Variants in BBS9 observed in about 807,000 individuals in gnomAD.
BBS9 encodes protein PTHB1.
BBS9 carries 89 observed loss-of-function variants against 117.7 expected under a neutral mutation model. That is an observed-to-expected ratio of 0.76 (90% confidence interval 0.64 to 0.90). BBS9 has a LOEUF of 0.90. Ranked by LOEUF, BBS9 falls within the 40% of genes least tolerant of loss-of-function variation. The pLI, the probability that BBS9 is intolerant of heterozygous loss-of-function variation, is 0.00. For synonymous variants in BBS9, 379 were observed against 370.9 expected (o/e 1.02, Z -0.25); for missense variants, 982 against 1,042.2 (o/e 0.94, Z 0.80).
rs1221104625 is a variant in BBS9, at chr7:33,434,427, A to G, written c.2115+46283A>G. Among the ~76,000 whole-genome samples, 3 of 152,128 alleles carry G rather than the reference A, an allele frequency of 2.0e-5. No homozygotes were observed. The East Asian group carries it at 5.8e-4, about 29-fold the overall frequency. On this transcript the variant is annotated intron_variant, in intron 19 of 22. Transcript: ENST00000242067. ...CTAAACAACCAAAGCAACTCAATAG[A>G]TAGCCTTCTAGTGCTAAAAGCCACC...
intron 12 of BBS9, chr7:33,346,257 A>G (rs568937421): frequency 4.7e-5 from 22 of 470,528 alleles, no homozygotes; most frequent in Middle Eastern, 3.3e-4. Context: ...GCAAGTTTCC[A>G]TCATAATAAA....
intron 7 of BBS9, among the ~76,000 whole-genome samples, chr7:33,270,506 A>G (rs1409998039): frequency 6.6e-6 from 1 of 152,212 alleles, no homozygotes; most frequent in African/African-American, 2.4e-5. Flanking sequence ...AATAGCCAGT[A>G]TAGAAAGAAC....
chr7:33,595,894 C>T (rs1269445305), intron 21 of BBS9, among the ~76,000 whole-genome samples: 1 of 151,950 alleles, frequency 6.6e-6, no homozygotes, highest in African/African-American at 2.4e-5. Context: ...AGCTGGAAGC[C>T]GTCATCCTCA....
intron 19 of BBS9, among the ~76,000 whole-genome samples, chr7:33,445,263 T>G (rs1333590466): frequency 6.6e-6 from 1 of 152,226 alleles, no homozygotes; most frequent in Admixed American, 6.5e-5. Flanking sequence ...TGAACTGTGC[T>G]AATATTCCTA....
chr7:33,508,040 G>A (rs963893194), intron 20 of BBS9, among the ~76,000 whole-genome samples: 3 of 152,150 alleles, frequency 2.0e-5, no homozygotes, highest in Non-Finnish European at 4.4e-5. Flanking sequence ...AAATATGACT[G>A]CATTAGACTC....
intron 13 of BBS9, 41 bp downstream of exon 13, chr7:33,349,211 AT>A (rs756494626): frequency 3.5e-6 from 5 of 1,430,802 alleles, no homozygotes; most frequent in Non-Finnish European, 4.9e-6. Context: ...CATGGTGTGA[AT>A]TTTTTAAAAA....
At chr7:33,369,591 G>A (rs1362226) in intron 17 of BBS9, among the ~76,000 whole-genome samples, 4,200 of 152,192 alleles carry the variant, frequency 0.028, 190 homozygotes, top group African/African-American at 0.092. Flanking sequence ...ATTGAAACCT[G>A]AATAATAGTC....
chr7:33,299,844 C>G (rs1203348316), intron 9 of BBS9, among the ~76,000 whole-genome samples: 2 of 152,068 alleles, frequency 1.3e-5, no homozygotes, highest in Non-Finnish European at 1.5e-5. Context: ...AGTTTTGGAG[C>G]AGGGATCCAA....
rs143454449 is a variant in BBS9 at position 33,464,973 on chromosome 7, G to A, written c.2116-40490G>A. On this transcript the variant is annotated intron_variant, in intron 19 of 22. Transcript: ENST00000242067. ...CCCGAGTAGCTGGGACTACAGACGC[G>A]TGCCACCATCATTCTTTTTAACTAT... Among the ~76,000 whole-genome samples the A allele has an allele frequency of 1.3e-3, 197 of 152,036 alleles. 1 individual carries two copies. The highest frequency in any genetic ancestry group is 4.4e-3 in the African/African-American group (182 of 41,504).
chr7:33,299,889 T>C (rs1806025049), intron 9 of BBS9, among the ~76,000 whole-genome samples: 1 of 152,186 alleles, frequency 6.6e-6, no homozygotes. Context: ...TTGGGGTTCT[T>C]ATTCCCTATT....
At chr7:33,140,703 T>C (rs1219824910) in intron 1 of BBS9, among the ~76,000 whole-genome samples, 1 of 152,206 alleles carries the variant, frequency 6.6e-6, no homozygotes, top group Admixed American at 6.5e-5. Flanking sequence ...GTAATACAGA[T>C]ATTATTATGT....
intron 21 of BBS9, among the ~76,000 whole-genome samples, chr7:33,542,457 C>T (rs28416527): frequency 0.46 from 69,887 of 151,822 alleles, 16,701 homozygotes; most frequent in South Asian, 0.57. Context: ...GCACCATATT[C>T]GTAGTCTTTT....
At chr7:33,303,507 A>C (rs1806939750) in intron 9 of BBS9, among the ~76,000 whole-genome samples, 1 of 143,110 alleles carries the variant, frequency 7.0e-6, no homozygotes, top group African/African-American at 2.6e-5. Context: ...TTTAGTATCA[A>C]CTGAAATGAT....
chr7:33,166,882 G>T (rs1023033661), intron 4 of BBS9, among the ~76,000 whole-genome samples: 2 of 152,194 alleles, frequency 1.3e-5, no homozygotes, highest in South Asian at 2.1e-4. Context: ...CCCTCCGTGG[G>T]CTGCACCCAC....
intron 9 of BBS9, among the ~76,000 whole-genome samples, chr7:33,309,051 C>T (rs1410537254): frequency 6.6e-6 from 1 of 152,044 alleles, no homozygotes; most frequent in Non-Finnish European, 1.5e-5. Context: ...TGTCACTTCT[C>T]TGAGCCTGAG....
At chr7:33,244,296 C>T (rs769786145) in intron 5 of BBS9, among the ~76,000 whole-genome samples, 34 of 152,126 alleles carry the variant, frequency 2.2e-4, no homozygotes, top group African/African-American at 3.1e-4. Flanking sequence ...GACAACCCTA[C>T]GATGTTCTCC....
intron 2 of BBS9, among the ~76,000 whole-genome samples, chr7:33,149,874 C>G (rs1049245318): frequency 2.6e-5 from 4 of 152,198 alleles, no homozygotes; most frequent in African/African-American, 7.2e-5. Context: ...TCCTGACCTC[C>G]TCTTATCCCT....
At chr7:33,365,587 C>T (rs1821537923) in intron 16 of BBS9, among the ~76,000 whole-genome samples, 1 of 152,202 alleles carries the variant, frequency 6.6e-6, no homozygotes, top group African/African-American at 2.4e-5. Context: ...AAGGGGATCC[C>T]TCTTGGCACT....
At chr7:33,494,885 C>T (rs991450300) in intron 19 of BBS9, among the ~76,000 whole-genome samples, 1 of 152,160 alleles carries the variant, frequency 6.6e-6, no homozygotes, top group East Asian at 1.9e-4. Flanking sequence ...AAATAACCTA[C>T]AGTTTACCCT....
Sources: gnomAD v4.1 joint callset for allele counts (sites outside exome capture counted in the v4.1 genomes callset) on GRCh38, gnomAD v4.1.1 for gene constraint, MANE v1.5 for transcripts, NCBI Gene and HGNC (gene_info 2026-07-23, HGNC 2026-07-21) for gene names.